CMPK1: variants seen among roughly 807,000 people sequenced by gnomAD.
CMPK1 encodes cytidine/uridine monophosphate kinase 1.
In CMPK1, 10 loss-of-function variants were observed where a neutral mutation model predicts 25.7. That is an observed-to-expected ratio of 0.39 (90% CI 0.24 to 0.66). The LOEUF (loss-of-function observed/expected upper bound fraction) is 0.66. Among genes scored for constraint, CMPK1 ranks in the 30% least tolerant of loss-of-function variants. CMPK1 has a pLI of 0.48. For synonymous variants in CMPK1, 106 were observed against 101.5 expected, an observed-to-expected ratio of 1.04 and a Z score of -0.27; for missense variants, 199 against 280.5, an observed-to-expected ratio of 0.71 and a Z score of 2.08.
chr1:47,350,443 G>A (rs536788427), intron 1 of CMPK1, among the ~76,000 whole-genome samples: 7 of 151,762 alleles, frequency 4.6e-5, no homozygotes, highest in African/African-American at 1.7e-4. Flanking sequence ...GTAGAGGTGG[G>A]GTTTCACCAT....
intron 1 of CMPK1, among the ~76,000 whole-genome samples, chr1:47,347,032 C>T (rs2149327135): frequency 6.6e-6 from 1 of 152,278 alleles, no homozygotes; most frequent in South Asian, 2.1e-4. Context: ...ATCCACCCGC[C>T]TCGGCCTCCC....
chr1:47,334,339 C>T (rs1007000099), intron 1 of CMPK1, among the ~76,000 whole-genome samples: 2 of 152,100 alleles, frequency 1.3e-5, no homozygotes, highest in African/African-American at 2.4e-5. Context: ...CTTGAGGTCG[C>T]TTTGTTCCTG....
chr1:47,372,808 CTTTTCTTTTTTTTT>C, intron 2 of CMPK1, 133 bp from the exon 3 acceptor site: 1 of 398,766 alleles, frequency 2.5e-6, no homozygotes, highest in Non-Finnish European at 3.7e-6. Context: ...TTCTTTTTTT[CTTTTCTTTTTTTTT>C]TTTGCTATGT....
chr1:47,339,839 C>T (rs1341744930), intron 1 of CMPK1, among the ~76,000 whole-genome samples: 2 of 151,496 alleles, frequency 1.3e-5, no homozygotes, highest in African/African-American at 4.9e-5. Context: ...TCCTGAGTAG[C>T]TGCAATTACA....
At chr1:47,366,190 A>G (rs916304604) in intron 1 of CMPK1, among the ~76,000 whole-genome samples, 5 of 152,242 alleles carry the variant, frequency 3.3e-5, no homozygotes, top group African/African-American at 1.2e-4. Context: ...TGTCTGAACA[A>G]CAACAACAAA....
intron 1 of CMPK1, among the ~76,000 whole-genome samples, chr1:47,348,670 A>G (rs1646501870): frequency 6.6e-6 from 1 of 152,208 alleles, no homozygotes; most frequent in Admixed American, 6.5e-5. Context: ...AATGTATCCT[A>G]TGTCAACAAG....
intron 1 of CMPK1, among the ~76,000 whole-genome samples, chr1:47,356,018 A>G (rs1646558619): frequency 6.6e-6 from 1 of 152,148 alleles, no homozygotes; most frequent in African/African-American, 2.4e-5. Flanking sequence ...TCTTTGTTCA[A>G]AAGTTTTTAT....
At chr1:47,337,768 A>G (rs1015758770) in intron 1 of CMPK1, among the ~76,000 whole-genome samples, 2 of 152,020 alleles carry the variant, frequency 1.3e-5, no homozygotes, top group African/African-American at 4.8e-5. Flanking sequence ...GCGCGCCACC[A>G]TGCCCGGCTA....
Position 47,333,917 on chromosome 1 carries a change from T to C in CMPK1, c.-29T>C. ...CCGCGCCGCGCCGGCCGCTGTCAGC[T>C]CCCTCAGCGTCCGGCCGAGGCGCGG... On this transcript the variant is annotated 5_prime_UTR_variant, in exon 1 of 6. Coordinates refer to ENST00000371873, the MANE Select transcript of CMPK1 (RefSeq NM_016308.3). The C allele has an allele frequency of 7.9e-7, 1 of 1,267,982 alleles. No individual in the cohort carries two copies. The highest frequency in any genetic ancestry group is 3.5e-5 in the East Asian group (1 of 28,328). 78.5% of individuals were successfully genotyped at this position (1,267,982 alleles called of 1,614,324 possible).
chr1:47,353,902 A>G (rs1557807094), intron 1 of CMPK1, among the ~76,000 whole-genome samples: 2 of 152,092 alleles, frequency 1.3e-5, no homozygotes, highest in Non-Finnish European at 2.9e-5. Flanking sequence ...TTTTTAGTAG[A>G]GATGGCGTTT....
At chr1:47,366,803 C>A (rs1646642090) in intron 1 of CMPK1, among the ~76,000 whole-genome samples, 1 of 152,164 alleles carries the variant, frequency 6.6e-6, no homozygotes, top group African/African-American at 2.4e-5. Flanking sequence ...TGGCTCACTG[C>A]AACTTCTGCT....
intron 1 of CMPK1, among the ~76,000 whole-genome samples, chr1:47,344,793 C>T (rs531041085): frequency 4.6e-5 from 7 of 151,904 alleles, no homozygotes; most frequent in Non-Finnish European, 5.9e-5. Context: ...CCACCATGCC[C>T]GGCCTAACTG....
chr1:47,348,838 A>G (rs1646502628), intron 1 of CMPK1, among the ~76,000 whole-genome samples: 2 of 152,218 alleles, frequency 1.3e-5, no homozygotes, highest in South Asian at 4.1e-4. Context: ...TGTATGATTT[A>G]GTTAGGTAAT....
rs780000650 is a variant in CMPK1, at chr1:47,375,079, CTTGT to C, written c.548+97_548+100del. 1.5e-4 allele frequency: 191 copies of C among 1,290,662 alleles called. 1 individual carries two copies. Among genetic ancestry groups the C allele is most frequent in the African/African-American group, 5.9e-5 (4 of 68,170 alleles). The allele number at this position is 1,290,662 out of a possible 1,614,324, so 80.0% of individuals were successfully genotyped here. A position where few individuals can be genotyped will look rare whatever the true frequency, so the allele number is the denominator to read the frequency against. On this transcript the variant is annotated intron_variant, in intron 4 of 5. Transcript: ENST00000371873. Reference sequence around the variant, plus strand: ...AGTCACATTTAAACATGTAAAATGGCTTGTTTAAGATGTTAGGTCAATCAGTCGG... The same window carrying C: ...AGTCACATTTAAACATGTAAAATGGCTTAAGATGTTAGGTCAATCAGTCGG...
chr1:47,368,952 A>C (rs767921161), intron 2 of CMPK1, among the ~76,000 whole-genome samples: 3 of 152,148 alleles, frequency 2.0e-5, no homozygotes, highest in Non-Finnish European at 4.4e-5. Flanking sequence ...ATAAACAACA[A>C]TAATAATAAA....
In CMPK1 at chr1:47,334,096, C is replaced by T. The variant is rs763338621; in HGVS notation, c.151C>T (p.Gln51Ter). 6.6e-7 allele frequency: 1 copy of T among 1,524,324 alleles called. No individual in the cohort carries two copies. The highest frequency in any genetic ancestry group is 1.2e-5 in the South Asian group (1 of 82,094). 94.4% of individuals were successfully genotyped at this position (1,524,324 alleles called of 1,614,324 possible). ...LGGPGAGKGTQCARIVEKYGY... is the reference protein window; with the variant it reads ...LGGPGAGKGT ...CGGCCCCGGCGCCGGCAAGGGGACC[C>T]AGTGCGCCCGCATCGTCGAGGTGAG... Residue 51 changes from glutamine (Q) to a stop codon, truncating the protein, a stop_gained, in exon 1 of 6, where the codon CAG (glutamine) becomes TAG (stop). Coordinates refer to ENST00000371873, the MANE Select transcript of CMPK1 (RefSeq NM_016308.3). LOFTEE classifies it high-confidence loss of function.
intron 1 of CMPK1, among the ~76,000 whole-genome samples, chr1:47,346,221 TG>T (rs1372257444): frequency 6.6e-6 from 1 of 152,082 alleles, no homozygotes; most frequent in East Asian, 1.9e-4. Context: ...GGCTAATTTT[TG>T]TTTTGTTAGT....
chr1:47,371,832 AC>A (rs1646679543), intron 2 of CMPK1, among the ~76,000 whole-genome samples: 1 of 152,152 alleles, frequency 6.6e-6, no homozygotes, highest in Non-Finnish European at 1.5e-5. Flanking sequence ...TGAATGTCTC[AC>A]AAGTGTCTCA....
intron 5 of CMPK1, among the ~76,000 whole-genome samples, chr1:47,375,602 G>C (rs921430653): frequency 1.3e-5 from 2 of 152,092 alleles, no homozygotes; most frequent in African/African-American, 4.8e-5. Flanking sequence ...TTCTTCATGA[G>C]AAATGGGTGG....
Sources: gnomAD v4.1 joint callset for allele counts (sites outside exome capture counted in the v4.1 genomes callset) on GRCh38, gnomAD v4.1.1 for gene constraint, MANE v1.5 for transcripts, NCBI Gene and HGNC (gene_info 2026-07-23, HGNC 2026-07-21) for gene names.